Variants in NPRL3 observed in about 807,000 individuals in gnomAD.
NPRL3 encodes NPR3 like, GATOR1 complex subunit, also known as GATOR1 complex protein NPRL3.
NPRL3 carries 23 observed loss-of-function variants against 57.2 expected under a neutral mutation model. The observed-to-expected ratio is 0.40, with a 90% confidence interval of 0.29 to 0.57. The LOEUF (loss-of-function observed/expected upper bound fraction) is 0.57, where lower values mean the gene tolerates loss of function less well. NPRL3 is among the 20% of genes least tolerant of loss of function. NPRL3 has a pLI of 0.42. For synonymous variants in NPRL3, 333 were observed against 321.1 expected (o/e 1.04, Z -0.39); for missense variants, 691 against 767.1 (o/e 0.90, Z 1.17).
chr16:127,654 A>ATTTT (rs555123884), intron 3 of NPRL3, among the ~76,000 whole-genome samples: 1 of 139,896 alleles, frequency 7.1e-6, no homozygotes, highest in African/African-American at 2.6e-5. Context: ...GAGCAAGTGA[A>ATTTT]TTTTTTTTTT....
chr16:127,733 C>A (rs1019199751), intron 3 of NPRL3, among the ~76,000 whole-genome samples: 41 of 151,364 alleles, frequency 2.7e-4, no homozygotes, highest in Non-Finnish European at 4.6e-4. Context: ...TGGCTCACTG[C>A]AAGCTCCGCC....
At chr16:90,600 G>A (rs1036617164) in intron 11 of NPRL3, 5 of 152,460 alleles carry the variant, frequency 3.3e-5, no homozygotes, top group African/African-American at 1.2e-4. Flanking sequence ...CAGTCCCCAT[G>A]AGAAAGTACT....
intron 7 of NPRL3, among the ~76,000 whole-genome samples, chr16:101,336 C>T (rs575340646): frequency 6.6e-6 from 1 of 152,308 alleles, no homozygotes; most frequent in Non-Finnish European, 1.5e-5. Flanking sequence ...TGCCCACCTC[C>T]CTGCAGTCTG....
chr16:93,386 G>GA, intron 9 of NPRL3, 61 bp from the exon 10 acceptor site: 4 of 1,105,652 alleles, frequency 3.6e-6, no homozygotes, highest in Non-Finnish European at 5.4e-6. Context: ...GGAGCTGTCA[G>GA]CAGCTCTCAG....
chr16:125,988 G>A (rs1735429571), intron 3 of NPRL3: 1 of 152,198 alleles, frequency 6.6e-6, no homozygotes, highest in South Asian at 2.1e-4. Context: ...AGGCCCAAGT[G>A]CAGCCACAAG....
chr16:87,869 T>C (rs1380459890), intron 13 of NPRL3, among the ~76,000 whole-genome samples: 5 of 12,686 alleles, frequency 3.9e-4, no homozygotes, highest in African/African-American at 4.8e-4. Context: ...CGCGCCTGAC[T>C]TTTTTTTTTT....
At chr16:102,898 TCAGGGTCTTTG>T (rs1457635424) in intron 7 of NPRL3, among the ~76,000 whole-genome samples, 3 of 152,094 alleles carry the variant, frequency 2.0e-5, no homozygotes, top group African/African-American at 7.2e-5. Context: ...CTCTCTTTGG[TCAGGGTCTTTG>T]CAGGGTGAAA....
intron 9 of NPRL3, among the ~76,000 whole-genome samples, chr16:97,263 T>C (rs1214348003): frequency 6.6e-6 from 1 of 151,880 alleles, no homozygotes; most frequent in Non-Finnish European, 1.5e-5. Context: ...CCGTGCTTTT[T>C]TTTTTTTTGG....
chr16:117,299 A>G lies in NPRL3; in HGVS notation c.393+2T>C, dbSNP rs111259656. Reference sequence around the variant, plus strand: ...ATCTTAACCATTTATATAAACACTCACCCTCAGTGCAAACACCACATTAAA... The same window carrying G: ...ATCTTAACCATTTATATAAACACTCGCCCTCAGTGCAAACACCACATTAAA... On this transcript the variant is annotated splice_donor_variant, in intron 5 of 13. Coordinates refer to ENST00000611875, the MANE Select transcript of NPRL3 (RefSeq NM_001077350.3). LOFTEE classifies it high-confidence loss of function. The G allele has an allele frequency of 6.2e-7, 1 of 1,602,480 alleles. No homozygotes were observed.
In NPRL3 at chr16:98,301, G is replaced by A; in HGVS notation, c.768C>T (p.Arg256=). The part of the protein sequence containing the change: ...EAIERSLKAI[R]PYHALLLLSD... ...TGAGCAGCAGCAGGGCATGGTAGGG[G>A]CTGCAAAACAATCACCTGTCACGGA... Residue 256 remains arginine, a splice_region_variant and synonymous_variant, in exon 9 of 14, where the codon CGC becomes CGT. Coordinates refer to ENST00000611875, the MANE Select transcript of NPRL3 (RefSeq NM_001077350.3). The A allele has an allele frequency of 1.9e-6, 3 of 1,611,752 alleles. No homozygotes were observed. Among genetic ancestry groups the A allele is most frequent in the Non-Finnish European group, 2.5e-6 (3 of 1,179,038 alleles).
chr16:120,532 G>C (rs900421727), intron 3 of NPRL3, among the ~76,000 whole-genome samples: 25 of 152,180 alleles, frequency 1.6e-4, no homozygotes, highest in African/African-American at 5.8e-4. Flanking sequence ...GGCTCAGACT[G>C]TTTTCCAGCC....
chr16:117,622 C>G (rs753363670), intron 4 of NPRL3, among the ~76,000 whole-genome samples: 1 of 152,210 alleles, frequency 6.6e-6, no homozygotes. Flanking sequence ...ACAATGCCCA[C>G]AGGGGACGAG....
intron 6 of NPRL3, among the ~76,000 whole-genome samples, chr16:112,260 A>C (rs984899528): frequency 6.6e-6 from 1 of 152,228 alleles, no homozygotes; most frequent in African/African-American, 2.4e-5. Context: ...ATTTCAACAC[A>C]TCCAGCCAGG....
intron 8 of NPRL3, among the ~76,000 whole-genome samples, 192 bp from the exon 9 acceptor site, chr16:98,493 G>C (rs1409750851): frequency 5.3e-5 from 8 of 152,186 alleles, no homozygotes; most frequent in African/African-American, 1.9e-4. Flanking sequence ...CCTGCACCAG[G>C]TATGCACCAG....
At chr16:89,981 G>GT (rs1898695849) in intron 11 of NPRL3, 79 bp from the exon 12 acceptor site, 2 of 1,345,986 alleles carry the variant, frequency 1.5e-6, no homozygotes, top group Non-Finnish European at 2.0e-6. Flanking sequence ...CATGGCCCTA[G>GT]ACATGGCCAC....
chr16:125,230 T>C (rs1900467242), intron 3 of NPRL3, among the ~76,000 whole-genome samples: 1 of 152,154 alleles, frequency 6.6e-6, no homozygotes, highest in Non-Finnish European at 1.5e-5. Flanking sequence ...AGAAGGGATC[T>C]CTTTCCTCAG....
At chr16:126,637 C>T (rs1187886455) in intron 3 of NPRL3, among the ~76,000 whole-genome samples, 3 of 151,950 alleles carry the variant, frequency 2.0e-5, no homozygotes, top group Non-Finnish European at 4.4e-5. Flanking sequence ...TGAGGGACAC[C>T]AGGCTATCTC....
rs763779646 is a variant in NPRL3, at chr16:100,406, G to C, written c.733C>G (p.Pro245Ala). ...TTCAGGCTCCGTTCGATGGCCTCTG[G>C]GGGGATCAGACTGGAGGCCGCATAG... ...IHYAASSLIP[P>A]EAIERSLKAI... Residue 245 changes from proline to alanine, a missense_variant, in exon 8 of 14, where the codon CCA (proline) becomes GCA (alanine). Pro to Ala is a conservative substitution (Grantham distance 27, BLOSUM62 -1). Coordinates refer to ENST00000611875, the MANE Select transcript of NPRL3 (RefSeq NM_001077350.3). 1.9e-6 allele frequency: 3 copies of C among 1,601,136 alleles called. No individual in the cohort carries two copies. The highest frequency in any genetic ancestry group is 1.7e-6 in the Non-Finnish European group (2 of 1,174,772).
Position 86,809 on chromosome 16 carries a change from G to T in NPRL3, c.1606C>A (p.Arg536=), listed in dbSNP as rs769327693. 4 of 1,612,710 alleles carry T rather than the reference G, an allele frequency of 2.5e-6. No homozygotes were observed. Among genetic ancestry groups the T allele is most frequent in the Non-Finnish European group, 3.4e-6 (4 of 1,179,452 alleles). Residue 536 remains arginine, a synonymous_variant, in exon 14 of 14, where the codon CGG becomes AGG. Coordinates refer to ENST00000611875, the MANE Select transcript of NPRL3 (RefSeq NM_001077350.3). ...AACAGCATGAGCAGCTGGGAGCGCC[G>T]CGTGTTCTCGTTGTACATAATCTCC... ...LEEIMYNENT[R]RSQLLMLFDK...
Sources: allele counts gnomAD v4.1 joint callset (sites outside exome capture counted in the v4.1 genomes callset), GRCh38; gene constraint gnomAD v4.1.1; transcripts MANE v1.5; gene names NCBI Gene and HGNC (gene_info 2026-07-23, HGNC 2026-07-21).